Variants in AGBL5 observed in about 807,000 individuals in gnomAD.
The protein encoded by AGBL5 is cytosolic carboxypeptidase-like protein 5.
AGBL5 carries 51 observed loss-of-function variants against 88.0 expected under a neutral mutation model. The ratio of observed to expected loss-of-function variants is 0.58; its 90% CI spans 0.46 to 0.73. The LOEUF is 0.73. AGBL5 is among the 30% of genes least tolerant of loss of function. AGBL5 has a pLI of 0.00. For synonymous variants in AGBL5, 446 were observed against 438.8 expected (o/e 1.02, Z -0.21); for missense variants, 1,031 against 1,162.2 (o/e 0.89, Z 1.64).
upstream of AGBL5, among the ~76,000 whole-genome samples, chr2:27,051,231 G>A (rs969324126): frequency 2.0e-5 from 3 of 152,172 alleles, no homozygotes; most frequent in Non-Finnish European, 4.4e-5. Flanking sequence ...TAGCTCAAAT[G>A]GTAGAGCGCT....
At position 27,069,643 on chromosome 2, in the gene AGBL5, C is replaced by G; in HGVS notation, c.2426C>G (p.Ser809Cys). ...RGMKGSSGPT[S>C]PTPRTRESSE... ...ATGAAAGGCTCTTCAGGCCCCACAT[C>G]CCCTACCCCCCGGACCAGGGAGAGC... The change falls in exon 14 of 15, where the codon TCC (serine) becomes TGC (cysteine). Residue 809 changes from serine (S) to cysteine (C), a missense_variant. Physicochemically the swap from Ser to Cys is moderately radical, Grantham distance 112. This residue lies in a region of AGBL5 where 491 missense variants were observed against 484.0 expected (regional missense o/e 1.01). Transcript: ENST00000360131. 1.2e-6 allele frequency: 2 copies of G among 1,614,200 alleles called. No homozygotes were observed. The highest frequency in any genetic ancestry group is 4.5e-5 in the East Asian group (2 of 44,886).
chr2:27,055,720 T>C lies in AGBL5; in HGVS notation c.947T>C (p.Leu316Pro). The C allele has an allele frequency of 2.5e-6, 4 of 1,614,166 alleles. No individual in the cohort carries two copies. The highest frequency in any genetic ancestry group is 3.4e-6 in the Non-Finnish European group (4 of 1,180,032). Reference protein sequence around the residue: ...SRGVNLNRQYLKPDAVLHPAI... With the variant: ...SRGVNLNRQYPKPDAVLHPAI... ...GGAGTGAATCTGAACCGTCAGTACCTGAAGCCTGATGCCGTCCTGCACCCG... is the reference window on the plus strand; with the variant it reads ...GGAGTGAATCTGAACCGTCAGTACCCGAAGCCTGATGCCGTCCTGCACCCG... Residue 316 changes from leucine (L) to proline (P), a missense_variant, in exon 7 of 15, where the codon CTG becomes CCG. Physicochemically the swap from Leu to Pro is moderately conservative, Grantham distance 98. Around this residue, in one of 2 missense-constraint regions of AGBL5, gnomAD observed 540 missense variants for 678.2 expected, o/e 0.80. Transcript: ENST00000360131.
In AGBL5 at chr2:27,053,049, G is replaced by C. The variant is rs1284161656; in HGVS notation, c.91G>C (p.Asp31His). Residue 31 changes from aspartate (D) to histidine (H), a missense_variant, in exon 2 of 15, where the codon GAT (aspartate) becomes CAT (histidine). Physicochemically the swap from Asp to His is moderately conservative, Grantham distance 81. Coordinates refer to ENST00000360131, the MANE Select transcript of AGBL5 (RefSeq NM_021831.6). This position sits in a 1 kb window ranked among gnomAD's most constrained non-coding sequence, Gnocchi z 4.9. ...HVEKVESLSS[D>H]GEGVGGGASA... ...GGAGAAGGTGGAATCTTTGTCCAGT[G>C]ATGGGGAAGGGGTAGGAGGTGGGGC... is the stretch of plus-strand genomic sequence containing the variant. 7.4e-6 allele frequency: 12 copies of C among 1,613,786 alleles called. No homozygotes were observed. The highest frequency in any genetic ancestry group is 1.0e-5 in the Non-Finnish European group (12 of 1,179,944).
rs369339309 is a variant in AGBL5 at position 27,070,292 on chromosome 2, T to C, written c.*29T>C. Reference sequence around the variant, plus strand: ...TGCCTTTATGTTCAAGCCCAGGATATAGCCCCAAGATGGGGTAACAGTGGG... The same window carrying C: ...TGCCTTTATGTTCAAGCCCAGGATACAGCCCCAAGATGGGGTAACAGTGGG... On this transcript the variant is annotated 3_prime_UTR_variant, in exon 15 of 15. Transcript: ENST00000360131. 3.1e-6 allele frequency: 5 copies of C among 1,607,000 alleles called. No homozygotes were observed. Among genetic ancestry groups the C allele is most frequent in the African/African-American group, 2.7e-5 (2 of 74,818 alleles).
In AGBL5 at chr2:27,069,709, G is replaced by C; in HGVS notation, c.2489+3G>C. The stretch of plus-strand genomic sequence containing the variant: ...GGATCCTGCTCTGCTACACCAGGGT[G>C]AGCACTTGGGTCCAGTCCCTCACAC... On this transcript the variant is annotated splice_donor_region_variant and intron_variant, in intron 14 of 14. Coordinates refer to ENST00000360131, the MANE Select transcript of AGBL5 (RefSeq NM_021831.6). 6.2e-7 allele frequency: 1 copy of C among 1,613,002 alleles called. No homozygotes were observed. Among genetic ancestry groups the C allele is most frequent in the South Asian group, 1.1e-5 (1 of 91,060 alleles).
At chr2:27,054,439 T>C (rs1450917593) in intron 4 of AGBL5, among the ~76,000 whole-genome samples, 191 bp from the exon 5 acceptor site, 2 of 152,088 alleles carry the variant, frequency 1.3e-5, no homozygotes, top group African/African-American at 4.8e-5. Flanking sequence ...AAGTTCACCC[T>C]GTCCTGTACT....
upstream of AGBL5, chr2:27,051,330 G>A (rs1165199266): frequency 6.6e-6 from 1 of 152,194 alleles, no homozygotes; most frequent in Non-Finnish European, 1.5e-5. Flanking sequence ...AAAACGGGAG[G>A]GATTCCCGGC....
intron 4 of AGBL5, 197 bp downstream of exon 4, chr2:27,054,256 C>A: frequency 1.6e-6 from 1 of 624,548 alleles, no homozygotes. Flanking sequence ...GACACCTGCC[C>A]TCCACTCTTT....
At position 27,057,353 on chromosome 2, in the gene AGBL5, C is replaced by T. The variant is rs1668488673; in HGVS notation, c.1586C>T (p.Pro529Leu). ...YNTGRSVNSI[P>L]AACHDNGRAS... ...ACTGGACGCTCAGTAAACAGCATCC[C>T]TGCTGCCTGCCATGACAATGGGCGT... The change falls in exon 9 of 15, where the codon CCT (proline) becomes CTT (leucine). Residue 529 changes from proline to leucine, a missense_variant. By Grantham distance (98) the Pro-to-Leu change is moderately conservative (BLOSUM62 -3). Around this residue, in one of 2 missense-constraint regions of AGBL5, gnomAD observed 491 missense variants for 484.0 expected, o/e 1.01. Transcript: ENST00000360131. 2 of 1,613,994 alleles carry T rather than the reference C, an allele frequency of 1.2e-6. No homozygotes were observed. The highest frequency in any genetic ancestry group is 1.3e-5 in the African/African-American group (1 of 74,932).
At chr2:27,058,277 G>A in intron 9 of AGBL5, 123 bp from the exon 10 acceptor site, 3 of 1,111,260 alleles carry the variant, frequency 2.7e-6, no homozygotes, top group Admixed American at 1.9e-5. Flanking sequence ...AAAGGTTAGG[G>A]CATCCAATGA....
rs371326361 is a variant in AGBL5 at position 27,069,652 on chromosome 2, C to G, written c.2435C>G (p.Pro812Arg). Reference sequence around the variant, plus strand: ...TCTTCAGGCCCCACATCCCCTACCCCCCGGACCAGGGAGAGCAGTGAGCTG... The same window carrying G: ...TCTTCAGGCCCCACATCCCCTACCCGCCGGACCAGGGAGAGCAGTGAGCTG... ...KGSSGPTSPT[P>R]RTRESSELEL... The change falls in exon 14 of 15, where the codon CCC becomes CGC. Residue 812 changes from proline to arginine, a missense_variant. By Grantham distance (103) the Pro-to-Arg change is moderately radical (BLOSUM62 -2). Coordinates refer to ENST00000360131, the MANE Select transcript of AGBL5 (RefSeq NM_021831.6). 1.8e-5 allele frequency: 29 copies of G among 1,614,082 alleles called. No individual in the cohort carries two copies. The Middle Eastern group carries it at 6.6e-4, about 37-fold the overall frequency.
Position 27,069,648 on chromosome 2 carries a change from A to C in AGBL5, c.2431A>C (p.Thr811Pro), listed in dbSNP as rs752432225. The change falls in exon 14 of 15, where the codon ACC (threonine) becomes CCC (proline). Residue 811 changes from threonine (T) to proline (P), a missense_variant. Coordinates refer to ENST00000360131, the MANE Select transcript of AGBL5 (RefSeq NM_021831.6). Reference sequence around the variant, plus strand: ...AGGCTCTTCAGGCCCCACATCCCCTACCCCCCGGACCAGGGAGAGCAGTGA... The same window carrying C: ...AGGCTCTTCAGGCCCCACATCCCCTCCCCCCCGGACCAGGGAGAGCAGTGA... ...MKGSSGPTSP[T>P]PRTRESSELE... The C allele has an allele frequency of 6.2e-7, 1 of 1,614,044 alleles. No homozygotes were observed. Among genetic ancestry groups the C allele is most frequent in the Non-Finnish European group, 8.5e-7 (1 of 1,179,970 alleles).
Position 27,059,180 on chromosome 2 carries a change from T to C in AGBL5, c.1875-10T>C. 1 of 1,610,860 alleles carries C rather than the reference T, an allele frequency of 6.2e-7. No homozygotes were observed. On this transcript the variant is annotated splice_polypyrimidine_tract_variant and intron_variant, in intron 10 of 14. Coordinates refer to ENST00000360131, the MANE Select transcript of AGBL5 (RefSeq NM_021831.6). Reference sequence around the variant, plus strand: ...CTGGCCCGGGTTAACTGGCATCTGCTTCTTTGCAGTGGGTTGCCTGTCTCC... The same window carrying C: ...CTGGCCCGGGTTAACTGGCATCTGCCTCTTTGCAGTGGGTTGCCTGTCTCC...
chr2:27,066,055 T>A (rs1668969945), intron 11 of AGBL5, among the ~76,000 whole-genome samples: 1 of 152,028 alleles, frequency 6.6e-6, no homozygotes, highest in Non-Finnish European at 1.5e-5. Flanking sequence ...GCCCATGAGT[T>A]CCAGACCACC....
upstream of AGBL5, among the ~76,000 whole-genome samples, chr2:27,050,821 G>A (rs1293245757): frequency 2.0e-5 from 3 of 152,200 alleles, no homozygotes; most frequent in Non-Finnish European, 4.4e-5. Flanking sequence ...GACTGTAGTG[G>A]ATAGGGCGTG....
chr2:27,059,560 G>GTGTT, intron 11 of AGBL5, 156 bp downstream of exon 11: 1 of 1,493,942 alleles, frequency 6.7e-7, no homozygotes, highest in Non-Finnish European at 8.9e-7. Flanking sequence ...TACGACCTTG[G>GTGTT]TGTTCCCTGC....
intron 13 of AGBL5, chr2:27,068,947 T>C: frequency 4.7e-6 from 7 of 1,495,490 alleles, no homozygotes; most frequent in Non-Finnish European, 6.2e-6. Context: ...GGTCATTTGC[T>C]TGCTTTCAAC....
intron 11 of AGBL5, among the ~76,000 whole-genome samples, chr2:27,064,725 T>A (rs1236208032): frequency 1.3e-5 from 2 of 151,350 alleles, no homozygotes; most frequent in African/African-American, 4.8e-5. Context: ...CCATTCAATT[T>A]TTTTTTTTTC....
chr2:27,060,934 C>G (rs895911359), intron 11 of AGBL5: 3 of 152,204 alleles, frequency 2.0e-5, no homozygotes, highest in Non-Finnish European at 4.4e-5. Context: ...ATTTTTCCAA[C>G]AAGTAAACTG....
Sources: gnomAD v4.1 joint callset for allele counts (sites outside exome capture counted in the v4.1 genomes callset) on GRCh38, gnomAD v4.1.1 for gene constraint, gnomAD v4.1.1 regional missense constraint, Gnocchi (gnomAD v3.1) non-coding constraint, MANE v1.5 for transcripts, NCBI Gene and HGNC (gene_info 2026-07-23, HGNC 2026-07-21) for gene names.